NUP88: variants seen among roughly 807,000 people sequenced by gnomAD.
NUP88 encodes the protein nucleoporin 88.
In NUP88, 57 loss-of-function variants were observed where a neutral mutation model predicts 93.9. The observed-to-expected ratio is 0.61, with a 90% CI of 0.49 to 0.76. The LOEUF is 0.76. Ranked by LOEUF, NUP88 falls within the 30% of genes least tolerant of loss-of-function variation. The pLI is 0.00. For synonymous variants in NUP88, 346 were observed against 336.8 expected (o/e 1.03, Z -0.30); for missense variants, 911 against 901.0 (o/e 1.01, Z -0.14).
intron 9 of NUP88, among the ~76,000 whole-genome samples, 181 bp downstream of exon 9, chr17:5,394,710 G>A (rs1047684691): frequency 6.6e-6 from 1 of 152,168 alleles, no homozygotes; most frequent in Non-Finnish European, 1.5e-5. Flanking sequence ...TATGTCGAGT[G>A]GCCCTGGAGA....
rs1914388391 is a variant in NUP88, at chr17:5,418,923, TC to T, written c.297+430del. Among the ~76,000 whole-genome samples, 3 of 152,228 alleles carry T rather than the reference TC, an allele frequency of 2.0e-5. No individual in the cohort carries two copies. The South Asian group carries it at 6.2e-4, about 32-fold the overall frequency. The stretch of plus-strand genomic sequence containing the variant: ...ACGGGGGTAAGAATTAACAGAGACT[TC>T]CTCCTCCATGTCAAGCATGAAGCGT... On this transcript the variant is annotated intron_variant, in intron 1 of 16. Transcript: ENST00000573584.
At chr17:5,410,325 A>G (rs1457731045) in intron 4 of NUP88, among the ~76,000 whole-genome samples, 1 of 152,220 alleles carries the variant, frequency 6.6e-6, no homozygotes, top group Non-Finnish European at 1.5e-5. Context: ...ATTCAGGAAG[A>G]TTCTAGTTCA....
intron 9 of NUP88, 56 bp downstream of exon 9, chr17:5,394,835 T>C: frequency 8.4e-7 from 1 of 1,186,340 alleles, no homozygotes; most frequent in East Asian, 2.3e-5. Flanking sequence ...CAAACGTATC[T>C]GAACTGCTGA....
intron 8 of NUP88, among the ~76,000 whole-genome samples, chr17:5,395,643 G>A (rs544201414): frequency 4.6e-5 from 7 of 151,704 alleles, no homozygotes; most frequent in African/African-American, 1.5e-4. Context: ...ATTCTCCTGC[G>A]TCAGCCTCCT....
chr17:5,400,970 C>T (rs1913123790), intron 7 of NUP88, among the ~76,000 whole-genome samples: 1 of 151,990 alleles, frequency 6.6e-6, no homozygotes, highest in African/African-American at 2.4e-5. Context: ...ATTTCTGTAC[C>T]TCCTTTGAGC....
chr17:5,409,578 C>T (rs1055805340), intron 4 of NUP88, among the ~76,000 whole-genome samples: 7 of 152,092 alleles, frequency 4.6e-5, no homozygotes, highest in African/African-American at 1.7e-4. Context: ...CAGCAGGATC[C>T]GTAAGTTCTA....
intron 11 of NUP88, 92 bp downstream of exon 11, chr17:5,388,710 A>G: frequency 8.6e-7 from 1 of 1,168,446 alleles, no homozygotes; most frequent in Non-Finnish European, 1.2e-6. Context: ...AGTAAAAAGT[A>G]TATGAAACAG....
chr17:5,389,053 T>A, intron 10 of NUP88, 93 bp from the exon 11 acceptor site: 1 of 953,300 alleles, frequency 1.0e-6, no homozygotes, highest in Non-Finnish European at 1.5e-6. Context: ...ACTTTCAGAA[T>A]ATAAAATAAA....
At chr17:5,414,278 C>T in intron 2 of NUP88, 144 bp from the exon 3 acceptor site, 1 of 594,486 alleles carries the variant, frequency 1.7e-6, no homozygotes, top group Non-Finnish European at 2.9e-6. Flanking sequence ...TCACTGCAAC[C>T]TCCGCCTCCC....
intron 8 of NUP88, among the ~76,000 whole-genome samples, chr17:5,396,063 T>C (rs558578906): frequency 8.5e-4 from 129 of 151,922 alleles, no homozygotes; most frequent in African/African-American, 2.9e-3. Flanking sequence ...ACACAAAAAT[T>C]AGCTGGACGT....
rs772354937 is a variant in NUP88 at position 5,387,685 on chromosome 17, A to T, written c.1770-15T>A. The T allele has an allele frequency of 3.5e-5, 56 of 1,610,050 alleles. No homozygotes were observed. Among genetic ancestry groups the T allele is most frequent in the Non-Finnish European group, 4.4e-5 (52 of 1,177,992 alleles). On this transcript the variant is annotated splice_polypyrimidine_tract_variant and intron_variant, in intron 12 of 16. Transcript: ENST00000573584. ...ATAATTTGACCCTTTAAAAACAAAA[A>T]GAAATAGAGTTTATTCAGAAGCCAG...
At chr17:5,395,677 C>T (rs1426923846) in intron 8 of NUP88, among the ~76,000 whole-genome samples, 2 of 151,834 alleles carry the variant, frequency 1.3e-5, no homozygotes, top group Non-Finnish European at 2.9e-5. Context: ...TACAGGTGGA[C>T]GCCACCACGC....
Position 5,394,972 on chromosome 17 carries a change from T to C in NUP88, c.1301A>G (p.Asp434Gly). ...AGAGAGTTCCTGTAAACTATCCTTA[T>C]CTTCTTCATCTACCATGGAAGACAT... is the stretch of plus-strand genomic sequence containing the variant. ...LHKFLGSDEE[D>G]KDSLQELSTE... The change falls in exon 9 of 17, where the codon GAT becomes GGT. Residue 434 changes from aspartate to glycine, a missense_variant. Transcript: ENST00000573584. 1 of 1,592,342 alleles carries C rather than the reference T, an allele frequency of 6.3e-7. No individual in the cohort carries two copies. Among genetic ancestry groups the C allele is most frequent in the Non-Finnish European group, 8.6e-7 (1 of 1,160,210 alleles).
chr17:5,394,868 T>C (rs777088428), intron 9 of NUP88, 23 bp downstream of exon 9: 1 of 1,502,022 alleles, frequency 6.7e-7, no homozygotes, highest in Admixed American at 1.7e-5. Context: ...TTTTCTGATA[T>C]ACAAGGGAGG....
chr17:5,411,803 A>C (rs1913860579), intron 3 of NUP88, among the ~76,000 whole-genome samples: 1 of 152,180 alleles, frequency 6.6e-6, no homozygotes, highest in South Asian at 2.1e-4. Context: ...GTCTGACGCC[A>C]CTAAGAATTT....
At chr17:5,403,195 T>C (rs1350091524) in intron 7 of NUP88, among the ~76,000 whole-genome samples, 2 of 151,494 alleles carry the variant, frequency 1.3e-5, no homozygotes, top group African/African-American at 4.9e-5. Flanking sequence ...AATACAAAAA[T>C]TGCCAGGCGT....
intron 10 of NUP88, among the ~76,000 whole-genome samples, chr17:5,391,306 G>A (rs1912400289): frequency 6.6e-6 from 1 of 152,096 alleles, no homozygotes; most frequent in Non-Finnish European, 1.5e-5. Flanking sequence ...TTCAATTTTA[G>A]TATTTTTTCT....
intron 8 of NUP88, 55 bp downstream of exon 8, chr17:5,399,493 CTATT>C: frequency 1.2e-6 from 1 of 858,152 alleles, no homozygotes; most frequent in Non-Finnish European, 1.9e-6. Flanking sequence ...TTTCTGAAAT[CTATT>C]AAATCTATTT....
intron 3 of NUP88, among the ~76,000 whole-genome samples, chr17:5,411,254 T>C (rs996144886): frequency 6.6e-6 from 1 of 152,152 alleles, no homozygotes; most frequent in East Asian, 1.9e-4. Context: ...AATCTACTTA[T>C]GTGTTTGTTA....
Sources: allele counts gnomAD v4.1 joint callset (sites outside exome capture counted in the v4.1 genomes callset), GRCh38; gene constraint gnomAD v4.1.1; transcripts MANE v1.5; gene names NCBI Gene and HGNC (gene_info 2026-07-23, HGNC 2026-07-21).